The following SORCS1 variants were observed in gnomAD, a reference collection of about 807,000 sequenced individuals.
The protein encoded by SORCS1 is VPS10 domain-containing receptor SorCS1.
Under a neutral mutation model 146.1 loss-of-function variants are expected in SORCS1, and 60 were observed. The ratio of observed to expected loss-of-function variants is 0.41; its 90% CI spans 0.33 to 0.51. SORCS1 has a LOEUF of 0.51. Ranked by LOEUF, SORCS1 falls within the 20% of genes least tolerant of loss-of-function variation. The probability of loss-of-function intolerance (pLI) is 0.21; values close to 1 mark genes in which losing one functional copy is unlikely to be tolerated. For missense variants in SORCS1, 1,352 were observed against 1,487.6 expected, an observed-to-expected ratio of 0.91 and a Z score of 1.50; for synonymous variants, 637 against 584.0, an observed-to-expected ratio of 1.09 and a Z score of -1.31.
intron 1 of SORCS1, among the ~76,000 whole-genome samples, chr10:107,054,209 C>T (rs1590030414): frequency 6.6e-6 from 1 of 152,224 alleles, no homozygotes; most frequent in East Asian, 1.9e-4. Context: ...AAAATATTCG[C>T]AACAGAGGTG....
At chr10:107,003,342 G>C (rs1403613598) in intron 1 of SORCS1, among the ~76,000 whole-genome samples, 2 of 151,866 alleles carry the variant, frequency 1.3e-5, no homozygotes, top group African/African-American at 4.8e-5. Flanking sequence ...CTTCCAATGG[G>C]GTAGCAATAT....
At position 106,652,446 on chromosome 10, in the gene SORCS1, G is replaced by A. The variant is rs773906334; in HGVS notation, c.2411C>T (p.Thr804Met). The change falls in exon 18 of 26, where the codon ACG becomes ATG. Residue 804 changes from threonine to methionine, a missense_variant. Transcript: ENST00000263054. ...TTCCGCTGTCAGCTTTCCATCAGCC[G>A]TGACTATCCGCAGCCCCCGCGGGGC... Reference protein sequence around the residue: ...GKAPRGLRIVTADGKLTAEQG... With the variant: ...GKAPRGLRIVMADGKLTAEQG... 3.4e-5 allele frequency: 55 copies of A among 1,613,936 alleles called. No homozygotes were observed. Among genetic ancestry groups the A allele is most frequent in the Non-Finnish European group, 3.6e-5 (43 of 1,179,986 alleles).
chr10:106,699,274 G>C lies in SORCS1; in HGVS notation c.1353C>G (p.Ala451=). Residue 451 remains alanine, a synonymous_variant, in exon 9 of 26, where the codon GCC becomes GCG. Transcript: ENST00000263054. Reference sequence around the variant, plus strand: ...CTCTGCTGCTCTGGACATTCTCCAAGGCCAGGGTGAAGTAGACACCACGTG... The same window carrying C: ...CTCTGCTGCTCTGGACATTCTCCAACGCCAGGGTGAAGTAGACACCACGTG... ...SDTRGVYFTL[A]LENVQSSRGP... 6.2e-7 allele frequency: 1 copy of C among 1,614,024 alleles called. No homozygotes were observed. Among genetic ancestry groups the C allele is most frequent in the Non-Finnish European group, 8.5e-7 (1 of 1,179,934 alleles).
intron 2 of SORCS1, among the ~76,000 whole-genome samples, chr10:106,847,974 T>C (rs1307009593): frequency 2.7e-5 from 4 of 149,734 alleles, no homozygotes; most frequent in Admixed American, 1.3e-4. Flanking sequence ...TTCTGTTCTT[T>C]TACATTTGCT....
chr10:106,995,095 G>A (rs1956934618), intron 1 of SORCS1, among the ~76,000 whole-genome samples: 1 of 152,140 alleles, frequency 6.6e-6, no homozygotes, highest in South Asian at 2.1e-4. Flanking sequence ...GGTGGATCAC[G>A]AGGTCAGGAG....
chr10:106,737,116 G>A (rs2136072542), intron 5 of SORCS1, among the ~76,000 whole-genome samples: 1 of 152,006 alleles, frequency 6.6e-6, no homozygotes, highest in South Asian at 2.1e-4. Flanking sequence ...AGTCTGACCT[G>A]GAATGAAGAA....
intron 1 of SORCS1, among the ~76,000 whole-genome samples, chr10:107,001,056 T>A (rs1423164518): frequency 6.6e-6 from 1 of 152,204 alleles, no homozygotes; most frequent in Admixed American, 6.5e-5. Context: ...GGCTAGTCTC[T>A]GGAGTGACTA....
chr10:106,957,171 T>TTTTG (rs1311876606), intron 1 of SORCS1, among the ~76,000 whole-genome samples: 5 of 147,610 alleles, frequency 3.4e-5, no homozygotes, highest in Non-Finnish European at 7.4e-5. Context: ...TTTTGTTTTT[T>TTTTG]TTGTTTTTTT....
intron 2 of SORCS1, among the ~76,000 whole-genome samples, chr10:106,889,884 C>CAAAAAAA (rs1324508204): frequency 6.6e-5 from 5 of 75,474 alleles, no homozygotes; most frequent in African/African-American, 4.9e-4. Flanking sequence ...GACTACGTCT[C>CAAAAAAA]AAATAAAAAA....
intron 1 of SORCS1, among the ~76,000 whole-genome samples, chr10:107,067,923 GGAT>G (rs751504355): frequency 3.0e-4 from 46 of 152,302 alleles, no homozygotes; most frequent in Non-Finnish European, 5.4e-4. Context: ...TTAACATTAA[GGAT>G]GATGATGACT....
intron 7 of SORCS1, among the ~76,000 whole-genome samples, chr10:106,708,326 A>G (rs779215416): frequency 6.6e-6 from 1 of 152,122 alleles, no homozygotes; most frequent in Non-Finnish European, 1.5e-5. Context: ...AGGCATTTAA[A>G]CAAATTGCAT....
At chr10:107,178,415 C>G in the SORCS1 span, among the ~76,000 whole-genome samples, 1,667 of 152,052 alleles carry the variant, frequency 0.011, 23 homozygotes, top group African/African-American at 0.036. Flanking sequence ...GCTTATTTCA[C>G]TTAACGTGAT....
Position 106,674,277 on chromosome 10 carries a change from C to A in SORCS1, c.1940+772G>T, listed in dbSNP as rs2475258. ...CCAGGAGGCAGAGCCTGCAATGAGCCGAGATCATGCCACTGCACTCCAGCC... is the reference window on the plus strand; with the variant it reads ...CCAGGAGGCAGAGCCTGCAATGAGCAGAGATCATGCCACTGCACTCCAGCC... On this transcript the variant is annotated intron_variant, in intron 14 of 25. Transcript: ENST00000263054. 6.2e-5 allele frequency among the ~76,000 whole-genome samples: 9 copies of A among 144,344 alleles called. No homozygotes were observed. In the South Asian group the frequency reaches 6.6e-4, roughly 11 times the overall value. The allele number at this position is 144,344 out of a possible 152,430, so 94.7% of individuals were successfully genotyped here.
At chr10:106,918,253 C>T (rs1292451742) in intron 2 of SORCS1, among the ~76,000 whole-genome samples, 4 of 152,154 alleles carry the variant, frequency 2.6e-5, no homozygotes, top group Non-Finnish European at 5.9e-5. Context: ...CTCTGCCTCC[C>T]TGGTTCACGC....
intron 1 of SORCS1, among the ~76,000 whole-genome samples, chr10:107,108,351 G>T (rs971769802): frequency 6.6e-6 from 1 of 152,210 alleles, no homozygotes; most frequent in African/African-American, 2.4e-5. Flanking sequence ...GCTGGCATCT[G>T]CTTGGCTTCT....
chr10:106,723,971 C>A (rs1855964486), intron 6 of SORCS1, among the ~76,000 whole-genome samples: 1 of 151,768 alleles, frequency 6.6e-6, no homozygotes, highest in Non-Finnish European at 1.5e-5. Context: ...ATATTTAATA[C>A]CCTTGTATGT....
intron 2 of SORCS1, among the ~76,000 whole-genome samples, chr10:106,834,073 A>G (rs10786977): frequency 0.47 from 71,774 of 152,092 alleles, 17,625 homozygotes; most frequent in African/African-American, 0.62. Context: ...GATTACAGGC[A>G]TGAGCCACCA....
At chr10:106,696,562 G>A (rs1336457074) in intron 9 of SORCS1, among the ~76,000 whole-genome samples, 1 of 152,070 alleles carries the variant, frequency 6.6e-6, no homozygotes, top group Non-Finnish European at 1.5e-5. Flanking sequence ...ACATAATACA[G>A]TCACATCACT....
the SORCS1 span, among the ~76,000 whole-genome samples, chr10:107,173,378 C>T: frequency 2.2e-3 from 336 of 152,110 alleles, 2 homozygotes; most frequent in African/African-American, 7.2e-3. Context: ...ATTTTAAGTG[C>T]TCTTACCACA....
Sources: gnomAD v4.1 joint callset for allele counts (sites outside exome capture counted in the v4.1 genomes callset) on GRCh38, gnomAD v4.1.1 for gene constraint, MANE v1.5 for transcripts, NCBI Gene and HGNC (gene_info 2026-07-23, HGNC 2026-07-21) for gene names.